The following STK32C variants were observed in gnomAD, a reference collection of about 807,000 sequenced individuals.
STK32C encodes the protein serine/threonine kinase 32C.
In STK32C, 31 loss-of-function variants were observed where a neutral mutation model predicts 56.5. The ratio of observed to expected loss-of-function variants is 0.55; its 90% CI spans 0.41 to 0.74. The LOEUF is 0.74. Among genes scored for constraint, STK32C ranks in the 30% least tolerant of loss-of-function variants. The pLI is 0.00. For missense variants in STK32C, 544 were observed against 676.9 expected, an observed-to-expected ratio of 0.80 and a Z score of 2.18; for synonymous variants, 309 against 289.4, an observed-to-expected ratio of 1.07 and a Z score of -0.69.
intron 10 of STK32C, among the ~76,000 whole-genome samples, chr10:132,211,803 G>A (rs887574599): frequency 2.6e-5 from 4 of 152,146 alleles, no homozygotes; most frequent in Non-Finnish European, 4.4e-5. Context: ...CGCAAGTGAC[G>A]CTCCAGGTCC....
chr10:132,221,942 C>G (rs1590162709), intron 10 of STK32C, among the ~76,000 whole-genome samples: 2 of 150,320 alleles, frequency 1.3e-5, no homozygotes, highest in South Asian at 4.3e-4. Flanking sequence ...ACACACACAA[C>G]TGACACCGAC....
At chr10:132,318,124 C>T (rs1299798895) in intron 1 of STK32C, among the ~76,000 whole-genome samples, 5 of 151,808 alleles carry the variant, frequency 3.3e-5, no homozygotes, top group Non-Finnish European at 4.4e-5. Context: ...AAAAATTAGC[C>T]GGGAGTGGTG....
At chr10:132,323,436 C>T (rs1423491866), downstream of STK32C, among the ~76,000 whole-genome samples, 2 of 152,244 alleles carry the variant, frequency 1.3e-5, no homozygotes, top group African/African-American at 4.8e-5. This position sits in a 1 kb window ranked among gnomAD's most constrained non-coding sequence, Gnocchi z 4.8. Flanking sequence ...CCAATGTTCA[C>T]AGACTGTTGC....
chr10:132,263,799 G>T (rs1475867510), intron 1 of STK32C, among the ~76,000 whole-genome samples: 1 of 149,430 alleles, frequency 6.7e-6, no homozygotes, highest in African/African-American at 2.5e-5. Flanking sequence ...CTGGGAGGCA[G>T]AGGCTGCCGT....
At chr10:132,258,172 G>C (rs1347248063) in intron 1 of STK32C, among the ~76,000 whole-genome samples, 1 of 152,222 alleles carries the variant, frequency 6.6e-6, no homozygotes, top group Non-Finnish European at 1.5e-5. Context: ...CTAGAGAGGG[G>C]GGCAGCTGCC....
At chr10:132,254,314 G>GA (rs1289534617) in intron 1 of STK32C, among the ~76,000 whole-genome samples, 11 of 151,802 alleles carry the variant, frequency 7.2e-5, no homozygotes, top group African/African-American at 9.7e-5. Flanking sequence ...CATCAGGGGA[G>GA]AAAAAAACAA....
At chr10:132,217,771 G>A (rs762344126) in intron 10 of STK32C, among the ~76,000 whole-genome samples, 13 of 152,104 alleles carry the variant, frequency 8.5e-5, no homozygotes, top group East Asian at 5.8e-4. Flanking sequence ...TTTGCCTGCC[G>A]CCATCCATGT....
In STK32C at chr10:132,294,769, T is replaced by TC. The variant is rs371680792; in HGVS notation, c.262+12802dup. Among the ~76,000 whole-genome samples the TC allele has an allele frequency of 2.1e-3, 324 of 152,072 alleles. 2 individuals are homozygous for TC. The highest frequency in any genetic ancestry group is 6.8e-3 in the Middle Eastern group (2 of 292). Reference sequence around the variant, plus strand: ...CAGGGCCAGCACCATGGACAGCTCTTCCCCCCAGAGCCCCGGGTTCTGTAT... The same window carrying TC: ...CAGGGCCAGCACCATGGACAGCTCTTCCCCCCCAGAGCCCCGGGTTCTGTAT... On this transcript the variant is annotated intron_variant, in intron 1 of 11. Transcript: ENST00000298630.
chr10:132,328,982 C>G (rs1169546969), intron 1 of STK32C, among the ~76,000 whole-genome samples: 4 of 152,238 alleles, frequency 2.6e-5, no homozygotes, highest in African/African-American at 7.2e-5. Context: ...CATAAGCCCC[C>G]TCTGCAGAAG....
chr10:132,330,483 T>TTG, intron 1 of STK32C: 2 of 717,146 alleles, frequency 2.8e-6, no homozygotes, highest in Non-Finnish European at 5.2e-6. Context: ...TGCTTTCAGC[T>TTG]TCCTGATTGG....
At chr10:132,296,771 G>A (rs2065760222) in intron 1 of STK32C, among the ~76,000 whole-genome samples, 3 of 152,352 alleles carry the variant, frequency 2.0e-5, no homozygotes, top group East Asian at 1.9e-4. Context: ...ACAGAAAGGG[G>A]CCGCTGTGAG....
intron 1 of STK32C, among the ~76,000 whole-genome samples, chr10:132,264,403 C>G (rs2064421714): frequency 6.6e-6 from 1 of 152,146 alleles, no homozygotes; most frequent in East Asian, 1.9e-4. Flanking sequence ...CCGCAGGGAC[C>G]CCTCGAGCTG....
chr10:132,214,290 C>T (rs1590136692), intron 10 of STK32C, among the ~76,000 whole-genome samples: 2 of 151,724 alleles, frequency 1.3e-5, no homozygotes, highest in South Asian at 2.1e-4. Flanking sequence ...GCGAGGAATT[C>T]TACTTACAGA....
chr10:132,304,654 A>G (rs1050989890), intron 1 of STK32C, among the ~76,000 whole-genome samples: 5 of 152,264 alleles, frequency 3.3e-5, no homozygotes, highest in African/African-American at 1.2e-4. Context: ...AGTTACAGAT[A>G]CCGTGGCATA....
intron 1 of STK32C, among the ~76,000 whole-genome samples, chr10:132,262,965 G>A (rs894027846): frequency 1.3e-5 from 2 of 152,134 alleles, no homozygotes; most frequent in South Asian, 2.1e-4. Flanking sequence ...AGACTGCAGA[G>A]AAAAGAGAAC....
chr10:132,312,199 G>T (rs879258403), upstream of STK32C, among the ~76,000 whole-genome samples: 1 of 152,100 alleles, frequency 6.6e-6, no homozygotes, highest in Non-Finnish European at 1.5e-5. Context: ...GTAGAGACAA[G>T]GATTTCACAC....
chr10:132,294,231 G>A (rs118002935), intron 1 of STK32C, among the ~76,000 whole-genome samples: 63 of 152,198 alleles, frequency 4.1e-4, no homozygotes, highest in East Asian at 7.8e-4. Context: ...CAGAGACGAG[G>A]AGGATCCGCC....
intron 1 of STK32C, among the ~76,000 whole-genome samples, chr10:132,285,451 A>T (rs1252609753): frequency 6.6e-6 from 1 of 152,380 alleles, no homozygotes; most frequent in Admixed American, 6.5e-5. Context: ...ACACCACTAT[A>T]TATTTGTAAA....
intron 1 of STK32C, among the ~76,000 whole-genome samples, chr10:132,261,541 G>C (rs2064307994): frequency 1.3e-5 from 2 of 152,320 alleles, no homozygotes; most frequent in South Asian, 4.1e-4. Context: ...AAGGCAGGTG[G>C]ATCACCTGAG....
Sources: allele counts gnomAD v4.1 joint callset (sites outside exome capture counted in the v4.1 genomes callset), GRCh38; gene constraint gnomAD v4.1.1; non-coding constraint Gnocchi (gnomAD v3.1); transcripts MANE v1.5; gene names NCBI Gene and HGNC (gene_info 2026-07-23, HGNC 2026-07-21).